Variants in SYT13 observed in about 807,000 individuals in gnomAD.
The protein encoded by SYT13 is synaptotagmin-13.
SYT13 carries 21 observed loss-of-function variants against 38.6 expected under a neutral mutation model. The ratio of observed to expected loss-of-function variants is 0.54; its 90% CI spans 0.39 to 0.78. SYT13 has a LOEUF of 0.78. Ranked by LOEUF, SYT13 falls within the 30% of genes least tolerant of loss-of-function variation. The pLI is 0.00. For synonymous variants in SYT13, 241 were observed against 237.6 expected (o/e 1.01, Z -0.13); for missense variants, 495 against 548.7 (o/e 0.90, Z 0.98).
intron 1 of SYT13, among the ~76,000 whole-genome samples, chr11:45,281,726 A>T (rs1159421722): frequency 6.6e-6 from 1 of 152,094 alleles, no homozygotes; most frequent in Non-Finnish European, 1.5e-5. Context: ...AATTTCAATA[A>T]AGCCTTTGGC....
At chr11:45,256,550 A>G (rs927867355) in intron 1 of SYT13, among the ~76,000 whole-genome samples, 16 of 152,040 alleles carry the variant, frequency 1.1e-4, no homozygotes, top group African/African-American at 3.9e-4. Flanking sequence ...TACAATCTAA[A>G]TTAAATCCCT....
At chr11:45,254,164 C>T (rs1457564009) in intron 3 of SYT13, 106 bp downstream of exon 3, 19 of 1,342,612 alleles carry the variant, frequency 1.4e-5, no homozygotes, top group Non-Finnish European at 1.8e-5. Context: ...TGTTAGAGTC[C>T]TAATCCAGTG....
At chr11:45,283,516 A>G (rs189355516) in intron 1 of SYT13, among the ~76,000 whole-genome samples, 40 of 152,296 alleles carry the variant, frequency 2.6e-4, no homozygotes, top group African/African-American at 9.1e-4. Context: ...TGAAATGTCA[A>G]TTGGTTGTCT....
intron 1 of SYT13, chr11:45,269,461 A>G: frequency 7.8e-7 from 1 of 1,283,488 alleles, no homozygotes; most frequent in South Asian, 1.3e-5. Flanking sequence ...GTCACATCAC[A>G]AAGCCCTTTG....
At chr11:45,281,447 C>CA (rs1488424357) in intron 1 of SYT13, among the ~76,000 whole-genome samples, 17 of 152,188 alleles carry the variant, frequency 1.1e-4, no homozygotes, top group Admixed American at 1.1e-3. Context: ...GGGAAGATGA[C>CA]ATGAGCTCAG....
chr11:45,255,919 C>T, intron 1 of SYT13, 28 bp from the exon 2 acceptor site: 1 of 1,608,568 alleles, frequency 6.2e-7, no homozygotes, highest in Admixed American at 1.7e-5. Context: ...TCTGATTAGT[C>T]CACAAAGGAG....
chr11:45,269,421 C>A, intron 1 of SYT13: 1 of 1,230,956 alleles, frequency 8.1e-7, no homozygotes, highest in Non-Finnish European at 1.0e-6. Flanking sequence ...AGATTTCCTT[C>A]TTGTAGGTGG....
chr11:45,261,405 C>A (rs1365606248), intron 1 of SYT13, among the ~76,000 whole-genome samples: 5 of 151,542 alleles, frequency 3.3e-5, no homozygotes, highest in Admixed American at 6.6e-5. Flanking sequence ...TCCTGGCTAA[C>A]ACGGTGAAAC....
rs1855132946 is a variant in SYT13 at position 45,286,132 on chromosome 11, C to T, written c.76G>A (p.Val26Ile). The T allele has an allele frequency of 1.3e-6, 2 of 1,597,630 alleles. No individual in the cohort carries two copies. The highest frequency in any genetic ancestry group is 1.3e-5 in the African/African-American group (1 of 75,004). ...TGCATGTGCCGACACAGGCAGGTGA[C>T]CCCGCACAACGCGAGGATGCTGGTG... is the stretch of plus-strand genomic sequence containing the variant. The part of the protein sequence containing the change: ...TATSILALCG[V>I]TCLCRHMHPK... The change falls in exon 1 of 6, where the codon GTC (valine) becomes ATC (isoleucine). Residue 26 changes from valine (V) to isoleucine (I), a missense_variant. By Grantham distance (29) the Val-to-Ile change is conservative. Transcript: ENST00000020926.
intron 4 of SYT13, among the ~76,000 whole-genome samples, chr11:45,249,835 C>T (rs1854652505): frequency 6.6e-6 from 1 of 152,130 alleles, no homozygotes; most frequent in Non-Finnish European, 1.5e-5. Flanking sequence ...CAACATGGCA[C>T]ATGTGTACCT....
intron 1 of SYT13, among the ~76,000 whole-genome samples, chr11:45,273,680 G>A (rs4589287): frequency 0.034 from 5,198 of 152,296 alleles, 168 homozygotes; most frequent in African/African-American, 0.083. Flanking sequence ...GCACTGTCCC[G>A]AGGACTAACT....
At position 45,241,094 on chromosome 11, in the gene SYT13, T is replaced by C. The variant is rs1478168783; in HGVS notation, c.*2958A>G. 1 of 152,254 alleles carries C rather than the reference T, an allele frequency of 6.6e-6. No homozygotes were observed. Among genetic ancestry groups the C allele is most frequent in the Non-Finnish European group, 1.5e-5 (1 of 68,046 alleles). The allele number at this position is 152,254 out of a possible 1,614,324, so 9.4% of individuals were successfully genotyped here. A position where few individuals can be genotyped will look rare whatever the true frequency, so the allele number is the denominator to read the frequency against. Reference sequence around the variant, plus strand: ...TCTTCATCTGTTGATTACATTTACATGGAGAGCAATGAGTTGCCATTAGGC... The same window carrying C: ...TCTTCATCTGTTGATTACATTTACACGGAGAGCAATGAGTTGCCATTAGGC... On this transcript the variant is annotated 3_prime_UTR_variant, in exon 6 of 6. Coordinates refer to ENST00000020926, the MANE Select transcript of SYT13 (RefSeq NM_020826.3).
At chr11:45,256,129 T>C (rs1164429924) in intron 1 of SYT13, among the ~76,000 whole-genome samples, 1 of 152,132 alleles carries the variant, frequency 6.6e-6, no homozygotes, top group Non-Finnish European at 1.5e-5. Context: ...CATCGGCCCA[T>C]CCATCCTATG....
chr11:45,266,288 C>T (rs150350799), intron 1 of SYT13, among the ~76,000 whole-genome samples: 22 of 152,244 alleles, frequency 1.4e-4, no homozygotes, highest in African/African-American at 5.3e-4. Flanking sequence ...GAAGCTGACA[C>T]GTACTCTAGG....
chr11:45,261,463 T>C (rs1056560938), intron 1 of SYT13, among the ~76,000 whole-genome samples: 1 of 151,890 alleles, frequency 6.6e-6, no homozygotes, highest in African/African-American at 2.4e-5. Flanking sequence ...CTGGACATGG[T>C]GGCAGGCGCC....
At chr11:45,273,188 C>CT (rs758555954) in intron 1 of SYT13, among the ~76,000 whole-genome samples, 2 of 152,166 alleles carry the variant, frequency 1.3e-5, no homozygotes, top group Non-Finnish European at 2.9e-5. Context: ...GCTGGGCACT[C>CT]TTACCATCCC....
chr11:45,259,631 G>T (rs1032432811), intron 1 of SYT13, among the ~76,000 whole-genome samples: 1 of 152,136 alleles, frequency 6.6e-6, no homozygotes, highest in Non-Finnish European at 1.5e-5. Flanking sequence ...CACAACACCA[G>T]GTTGTCTAGG....
rs1049289495 is a variant in SYT13, at chr11:45,254,490, C to A, written c.410-86G>T. On this transcript the variant is annotated intron_variant, in intron 2 of 5. Coordinates refer to ENST00000020926, the MANE Select transcript of SYT13 (RefSeq NM_020826.3). ...ACCTTTCTCATCTCTATCACCTATG[C>A]CAGGAACCCAAACCCAAGTCTTCCC... The A allele has an allele frequency of 3.2e-5, 49 of 1,517,990 alleles. No homozygotes were observed. The African/African-American group carries it at 6.1e-4, about 19-fold the overall frequency. The allele number at this position is 1,517,990 out of a possible 1,614,324, so 94.0% of individuals were successfully genotyped here.
At chr11:45,246,572 C>T in intron 4 of SYT13, 60 bp from the exon 5 acceptor site, 2 of 1,582,564 alleles carry the variant, frequency 1.3e-6, no homozygotes, top group Non-Finnish European at 8.6e-7. Flanking sequence ...TCCAACCCAT[C>T]AACAAATGCT....
Sources: gnomAD v4.1 joint callset for allele counts (sites outside exome capture counted in the v4.1 genomes callset) on GRCh38, gnomAD v4.1.1 for gene constraint, MANE v1.5 for transcripts, NCBI Gene and HGNC (gene_info 2026-07-23, HGNC 2026-07-21) for gene names.